DACH1: variants seen among roughly 807,000 people sequenced by gnomAD.
The protein encoded by DACH1 is dachshund homolog 1.
Under a neutral mutation model 54.2 loss-of-function variants are expected in DACH1, and 12 were observed. That is an observed-to-expected ratio of 0.22 (90% CI 0.14 to 0.36). The LOEUF (loss-of-function observed/expected upper bound fraction) is 0.36. DACH1 is among the 10% of genes least tolerant of loss of function. The probability of loss-of-function intolerance (pLI) is 1.00; values close to 1 mark genes in which losing one functional copy is unlikely to be tolerated. For synonymous variants in DACH1, 386 were observed against 366.2 expected (o/e 1.05, Z -0.62); for missense variants, 805 against 929.8 (o/e 0.87, Z 1.75).
chr13:71,672,021 T>C (rs1461468072), intron 2 of DACH1, among the ~76,000 whole-genome samples: 1 of 152,158 alleles, frequency 6.6e-6, no homozygotes, highest in Non-Finnish European at 1.5e-5. Context: ...GCTATCAGCA[T>C]GACTGTTCTC....
chr13:71,806,538 C>T (rs1431217682), intron 1 of DACH1, among the ~76,000 whole-genome samples: 1 of 151,950 alleles, frequency 6.6e-6, no homozygotes, highest in African/African-American at 2.4e-5. Flanking sequence ...TGATAAGTAC[C>T]CTAAGCACAA....
chr13:71,765,898 T>G (rs912193240), intron 1 of DACH1, among the ~76,000 whole-genome samples: 1 of 150,108 alleles, frequency 6.7e-6, no homozygotes, highest in Non-Finnish European at 1.5e-5. Flanking sequence ...TTTTTTTTTT[T>G]TTTTTTGAGA....
At chr13:71,818,937 C>T (rs1036832266) in intron 1 of DACH1, among the ~76,000 whole-genome samples, 6 of 152,142 alleles carry the variant, frequency 3.9e-5, no homozygotes, top group African/African-American at 1.4e-4. Flanking sequence ...GGACCTGAAT[C>T]CATCAAGGTC....
intron 6 of DACH1, among the ~76,000 whole-genome samples, chr13:71,539,786 A>G (rs1022209555): frequency 6.6e-6 from 1 of 152,066 alleles, no homozygotes; most frequent in Non-Finnish European, 1.5e-5. Context: ...TGAAAGTACT[A>G]TGGTTGATCA....
chr13:71,602,914 T>C (rs1446880970), intron 3 of DACH1, among the ~76,000 whole-genome samples: 2 of 151,942 alleles, frequency 1.3e-5, no homozygotes, highest in Non-Finnish European at 2.9e-5. Context: ...CAATACACAA[T>C]GTTTTCATTG....
At chr13:71,450,599 T>C (rs959016765) in intron 10 of DACH1, among the ~76,000 whole-genome samples, 1 of 152,048 alleles carries the variant, frequency 6.6e-6, no homozygotes, top group Non-Finnish European at 1.5e-5. Flanking sequence ...AATCAAATGC[T>C]AAAAATGATT....
chr13:71,790,772 G>T (rs1200599894), intron 1 of DACH1, among the ~76,000 whole-genome samples: 1 of 152,234 alleles, frequency 6.6e-6, no homozygotes, highest in East Asian at 1.9e-4. Flanking sequence ...ACACAAAAAA[G>T]CATTACTTTG....
chr13:71,589,825 T>G (rs1873567229), intron 3 of DACH1, among the ~76,000 whole-genome samples: 1 of 152,074 alleles, frequency 6.6e-6, no homozygotes. Context: ...ATGTTTTATA[T>G]TATCATCATT....
chr13:71,624,190 T>C (rs1046040806), intron 3 of DACH1, among the ~76,000 whole-genome samples: 5 of 152,030 alleles, frequency 3.3e-5, no homozygotes, highest in African/African-American at 1.2e-4. Flanking sequence ...TTTCAGGATA[T>C]GAAGATATCT....
intron 1 of DACH1, among the ~76,000 whole-genome samples, chr13:71,682,986 A>G (rs1290857877): frequency 1.3e-5 from 2 of 152,170 alleles, no homozygotes; most frequent in Non-Finnish European, 2.9e-5. Context: ...TTTCAAAACT[A>G]ACAGATATAA....
At chr13:71,799,928 T>C (rs1887222339) in intron 1 of DACH1, among the ~76,000 whole-genome samples, 1 of 152,116 alleles carries the variant, frequency 6.6e-6, no homozygotes, top group Non-Finnish European at 1.5e-5. Context: ...ATTTTATTAG[T>C]GATCAGTTTA....
intron 3 of DACH1, among the ~76,000 whole-genome samples, chr13:71,592,390 G>A (rs1302933568): frequency 2.7e-5 from 4 of 150,456 alleles, no homozygotes; most frequent in Non-Finnish European, 5.9e-5. Context: ...AGCTACTTGA[G>A]GTATTGAGGT....
chr13:71,553,539 A>G (rs1884035780), intron 6 of DACH1, among the ~76,000 whole-genome samples: 1 of 146,054 alleles, frequency 6.8e-6, no homozygotes, highest in Non-Finnish European at 1.5e-5. Context: ...TCAAGCCTAA[A>G]ACTTTTGTTT....
At chr13:71,862,942 GT>G (rs1874452941) in intron 1 of DACH1, among the ~76,000 whole-genome samples, 1 of 151,980 alleles carries the variant, frequency 6.6e-6, no homozygotes. Context: ...TGTATAGATA[GT>G]AATTTTATAC....
chr13:71,800,690 T>A (rs1887257249), intron 1 of DACH1, among the ~76,000 whole-genome samples: 1 of 152,080 alleles, frequency 6.6e-6, no homozygotes, highest in Admixed American at 6.6e-5. Context: ...CTCTGAAAAA[T>A]ATTAAGATGA....
intron 10 of DACH1, among the ~76,000 whole-genome samples, chr13:71,443,742 A>C (rs1359128497): frequency 6.6e-6 from 1 of 151,862 alleles, no homozygotes; most frequent in African/African-American, 2.4e-5. Flanking sequence ...TTGGCCCCTA[A>C]CTGTCATTTC....
chr13:71,603,882 A>G lies in DACH1; in HGVS notation c.1126+26674T>C, dbSNP rs922642747. 5.9e-5 allele frequency among the ~76,000 whole-genome samples: 9 copies of G among 152,058 alleles called. No homozygotes were observed. The South Asian group carries it at 1.9e-3, about 31-fold the overall frequency. On this transcript the variant is annotated intron_variant, in intron 3 of 10. Coordinates refer to ENST00000613252, the MANE Select transcript of DACH1 (RefSeq NM_080759.6). ...CATTACAAGTTATTGTTTCTTTATT[A>G]CAAAGGAGAATAAAGGCCTATTTGT...
At chr13:71,520,526 T>C (rs2138279968) in intron 6 of DACH1, among the ~76,000 whole-genome samples, 1 of 151,170 alleles carries the variant, frequency 6.6e-6, no homozygotes, top group Admixed American at 6.6e-5. Context: ...TCCAGGAATC[T>C]AGTATGTAAA....
intron 7 of DACH1, among the ~76,000 whole-genome samples, chr13:71,480,476 C>T (rs1877934769): frequency 6.6e-6 from 1 of 152,086 alleles, no homozygotes; most frequent in African/African-American, 2.4e-5. Flanking sequence ...ATATGTTAAA[C>T]ATATAAAAAG....
Sources: allele counts gnomAD v4.1 joint callset (sites outside exome capture counted in the v4.1 genomes callset), GRCh38; gene constraint gnomAD v4.1.1; transcripts MANE v1.5; gene names NCBI Gene and HGNC (gene_info 2026-07-23, HGNC 2026-07-21).